NFIB: variants seen among roughly 807,000 people sequenced by gnomAD.
The protein encoded by NFIB is nuclear factor I B.
NFIB carries 11 observed loss-of-function variants against 61.5 expected under a neutral mutation model. That is an observed-to-expected ratio of 0.18 (90% CI 0.11 to 0.30). The LOEUF is 0.30. Among genes scored for constraint, NFIB ranks in the 10% least tolerant of loss-of-function variants. The probability of loss-of-function intolerance (pLI) is 1.00; values close to 1 mark genes in which losing one functional copy is unlikely to be tolerated. For missense variants in NFIB, 471 were observed against 608.9 expected (o/e 0.77, Z 2.38); for synonymous variants, 260 against 216.5 (o/e 1.20, Z -1.76).
Position 14,155,838 on chromosome 9 carries a change from T to A in NFIB, c.672A>T (p.Val224=). The A allele has an allele frequency of 6.3e-7, 1 of 1,582,500 alleles. No homozygotes were observed. The highest frequency in any genetic ancestry group is 1.2e-5 in the South Asian group (1 of 85,942). The change falls in exon 4 of 11, where the codon GTA becomes GTT. Residue 224 remains valine, a synonymous_variant. Transcript: ENST00000380953. ...CAATTTACTTACTTCTGGATACTCTTACAAGTTCTGATACATTGAAGACTC... is the reference window on the plus strand; with the variant it reads ...CAATTTACTTACTTCTGGATACTCTAACAAGTTCTGATACATTGAAGACTC... ...KSGVFNVSEL[V]RVSRTPITQG...
chr9:14,484,107 G>A, the NFIB span, among the ~76,000 whole-genome samples: 1 of 152,130 alleles, frequency 6.6e-6, no homozygotes, highest in Non-Finnish European at 1.5e-5. Flanking sequence ...TACTCCTTTT[G>A]GAAGATCCTC....
chr9:14,340,453 TGAG>T (rs1462096130), intron 1 of NFIB, among the ~76,000 whole-genome samples: 1 of 152,208 alleles, frequency 6.6e-6, no homozygotes. Flanking sequence ...TTAATTGGAT[TGAG>T]GAGAAGCCCA....
chr9:14,529,158 G>A, the NFIB span, among the ~76,000 whole-genome samples: 1 of 152,080 alleles, frequency 6.6e-6, no homozygotes, highest in African/African-American at 2.4e-5. Flanking sequence ...TCCTCCCTCT[G>A]TTTTACTAAA....
the NFIB span, among the ~76,000 whole-genome samples, chr9:14,486,315 G>A: frequency 6.6e-6 from 1 of 152,216 alleles, no homozygotes; most frequent in Non-Finnish European, 1.5e-5. Flanking sequence ...GAAACATTAG[G>A]AGGAAGAGAC....
the NFIB span, among the ~76,000 whole-genome samples, chr9:14,520,694 T>C: frequency 1.3e-5 from 2 of 152,200 alleles, no homozygotes; most frequent in African/African-American, 4.8e-5. Flanking sequence ...TTCCAAACCA[T>C]GTGTCATGAC....
At chr9:14,099,849 G>C (rs1298595484) in intron 10 of NFIB, among the ~76,000 whole-genome samples, 1 of 152,210 alleles carries the variant, frequency 6.6e-6, no homozygotes, top group Non-Finnish European at 1.5e-5. Flanking sequence ...AAGGCGAGCA[G>C]ATCACTTAAG....
chr9:14,187,025 G>GTGTGTA lies in NFIB; in HGVS notation c.563-7246_563-7245insTACACA, dbSNP rs150393149. Among the ~76,000 whole-genome samples, 4 of 15,026 alleles carry GTGTGTA rather than the reference G, an allele frequency of 2.7e-4. No individual in the cohort carries two copies. In the East Asian group the frequency reaches 3.3e-3, roughly 13 times the overall value. The allele number at this position is 15,026 out of a possible 152,430, so 9.9% of individuals were successfully genotyped here. The stretch of plus-strand genomic sequence containing the variant: ...CGCTCCTGTGTGTGTGTGTGTGTGT[G>GTGTGTA]TATGTGTGTGTGTGTGTGTGTGTGT... On this transcript the variant is annotated intron_variant, in intron 2 of 10. Transcript: ENST00000380953.
At chr9:14,137,489 G>A (rs537335368) in intron 6 of NFIB, among the ~76,000 whole-genome samples, 71 of 152,242 alleles carry the variant, frequency 4.7e-4, no homozygotes, top group African/African-American at 1.4e-3. Context: ...AAGTACTGAA[G>A]ATCTTCAAAT....
upstream of NFIB, among the ~76,000 whole-genome samples, chr9:14,401,422 C>A (rs979379288): frequency 2.6e-5 from 4 of 152,134 alleles, no homozygotes; most frequent in Admixed American, 6.6e-5. Flanking sequence ...ACAGTACTAT[C>A]CATCATTGGG....
intron 2 of NFIB, among the ~76,000 whole-genome samples, chr9:14,231,120 G>GGAA (rs1491094106): frequency 1.5e-5 from 1 of 65,808 alleles, no homozygotes; most frequent in African/African-American, 5.8e-5. Context: ...TTTCCATGGG[G>GGAA]AAAAAAAAAA....
chr9:14,422,112 AT>A, the NFIB span, among the ~76,000 whole-genome samples: 1 of 152,204 alleles, frequency 6.6e-6, no homozygotes, highest in Non-Finnish European at 1.5e-5. Context: ...AGAAAAAGAC[AT>A]TTTAAAGTGG....
At chr9:14,459,130 C>G in the NFIB span, among the ~76,000 whole-genome samples, 1 of 148,408 alleles carries the variant, frequency 6.7e-6, no homozygotes, top group Non-Finnish European at 1.5e-5. Context: ...TACAAGGTTA[C>G]AGTAATCAAA....
the NFIB span, among the ~76,000 whole-genome samples, chr9:14,426,788 C>T: frequency 6.6e-6 from 1 of 152,142 alleles, no homozygotes; most frequent in South Asian, 2.1e-4. Flanking sequence ...TATCACATCG[C>T]TCAGGAACAG....
chr9:14,411,244 C>T, the NFIB span, among the ~76,000 whole-genome samples: 1 of 152,156 alleles, frequency 6.6e-6, no homozygotes, highest in Non-Finnish European at 1.5e-5. Context: ...TGGATATTAG[C>T]AATTTTGGTT....
At chr9:14,454,884 T>C in the NFIB span, among the ~76,000 whole-genome samples, 1 of 152,202 alleles carries the variant, frequency 6.6e-6, no homozygotes, top group Non-Finnish European at 1.5e-5. Context: ...GCTTTTCCCC[T>C]ATGTCAAGAC....
At chr9:14,171,487 G>A (rs779967795) in intron 3 of NFIB, among the ~76,000 whole-genome samples, 1 of 152,092 alleles carries the variant, frequency 6.6e-6, no homozygotes, top group African/African-American at 2.4e-5. Context: ...TCAATTTCAG[G>A]CAAGAAACAG....
the NFIB span, among the ~76,000 whole-genome samples, chr9:14,448,377 G>A: frequency 6.6e-6 from 1 of 152,118 alleles, no homozygotes; most frequent in East Asian, 1.9e-4. Context: ...GGAACTAAAT[G>A]ATTGCATCCA....
At chr9:14,427,956 T>TTTTTTTTTTTG in the NFIB span, among the ~76,000 whole-genome samples, 1 of 115,880 alleles carries the variant, frequency 8.6e-6, no homozygotes, top group African/African-American at 3.2e-5. Flanking sequence ...TTTTTTTTTT[T>TTTTTTTTTTTG]TTTTTTTTGG....
intron 2 of NFIB, among the ~76,000 whole-genome samples, chr9:14,240,957 C>T (rs1021173061): frequency 6.6e-6 from 1 of 152,204 alleles, no homozygotes. Flanking sequence ...ATCCTCAAAG[C>T]TTATTTGCAT....
Sources: gnomAD v4.1 joint callset for allele counts (sites outside exome capture counted in the v4.1 genomes callset) on GRCh38, gnomAD v4.1.1 for gene constraint, MANE v1.5 for transcripts, NCBI Gene and HGNC (gene_info 2026-07-23, HGNC 2026-07-21) for gene names.